ABLIM1: variants seen among roughly 807,000 people sequenced by gnomAD.
ABLIM1 encodes the protein actin binding LIM protein 1, also known as actin-binding LIM protein 1.
ABLIM1 carries 40 observed loss-of-function variants against 107.0 expected under a neutral mutation model. That is an observed-to-expected ratio of 0.37 (90% CI 0.29 to 0.49). ABLIM1 has a LOEUF of 0.49. Among genes scored for constraint, ABLIM1 ranks in the 20% least tolerant of loss-of-function variants. ABLIM1 has a pLI of 0.97. For missense variants in ABLIM1, 857 were observed against 1,008.5 expected, an observed-to-expected ratio of 0.85 and a Z score of 2.04; for synonymous variants, 357 against 357.3, an observed-to-expected ratio of 1.00 and a Z score of 0.01.
intron 2 of ABLIM1, among the ~76,000 whole-genome samples, chr10:114,601,392 A>G (rs1591518349): frequency 6.6e-6 from 1 of 151,696 alleles, no homozygotes; most frequent in East Asian, 1.9e-4. Context: ...AGCCCTCCAG[A>G]GTAGCTGGGA....
At chr10:114,557,425 G>A (rs1248116901) in intron 4 of ABLIM1, among the ~76,000 whole-genome samples, 1 of 152,202 alleles carries the variant, frequency 6.6e-6, no homozygotes, top group Non-Finnish European at 1.5e-5. Context: ...GAAAGCAGAA[G>A]GCAGGCAGGG....
At chr10:114,723,070 T>C (rs1422336413) in intron 1 of ABLIM1, among the ~76,000 whole-genome samples, 2 of 152,176 alleles carry the variant, frequency 1.3e-5, no homozygotes, top group African/African-American at 4.8e-5. Context: ...CCTAGCTCAG[T>C]GCGCAGCCAC....
chr10:114,731,819 A>G (rs1178901055), intron 1 of ABLIM1, among the ~76,000 whole-genome samples: 1 of 152,146 alleles, frequency 6.6e-6, no homozygotes, highest in Admixed American at 6.6e-5. Context: ...CATGTTGGCC[A>G]GGCTGGTCTT....
At chr10:114,648,205 C>G (rs59244961) in intron 1 of ABLIM1, among the ~76,000 whole-genome samples, 1 of 152,244 alleles carries the variant, frequency 6.6e-6, no homozygotes, top group African/African-American at 2.4e-5. Flanking sequence ...ACTGAAAACA[C>G]GTTCACACAA....
At chr10:114,662,769 G>C (rs2079848492), upstream of ABLIM1, among the ~76,000 whole-genome samples, 1 of 152,204 alleles carries the variant, frequency 6.6e-6, no homozygotes, top group African/African-American at 2.4e-5. Flanking sequence ...TGAGCATTCA[G>C]GATTGAGAGC....
chr10:114,788,643 G>C, the ABLIM1 span, among the ~76,000 whole-genome samples: 1 of 152,090 alleles, frequency 6.6e-6, no homozygotes, highest in African/African-American at 2.4e-5. Context: ...CAGGAGAATC[G>C]CTAGAACCTG....
At chr10:114,497,930 T>C (rs929384535) in intron 6 of ABLIM1, among the ~76,000 whole-genome samples, 11 of 152,230 alleles carry the variant, frequency 7.2e-5, no homozygotes, top group Non-Finnish European at 1.3e-4. Flanking sequence ...ATCTCTAAAT[T>C]GAAGTATGAA....
chr10:114,477,669 C>T (rs1212594991), intron 8 of ABLIM1, among the ~76,000 whole-genome samples: 1 of 152,142 alleles, frequency 6.6e-6, no homozygotes, highest in Non-Finnish European at 1.5e-5. Context: ...TGAAGAGCTT[C>T]GTGGGCAGTA....
At chr10:114,774,723 C>T in the ABLIM1 span, among the ~76,000 whole-genome samples, 1 of 152,036 alleles carries the variant, frequency 6.6e-6, no homozygotes, top group African/African-American at 2.4e-5. Flanking sequence ...GGACCTCTAA[C>T]CTAGACATGA....
intron 2 of ABLIM1, among the ~76,000 whole-genome samples, chr10:114,589,985 G>GT (rs1220865240): frequency 6.6e-6 from 1 of 152,086 alleles, no homozygotes; most frequent in African/African-American, 2.4e-5. Flanking sequence ...TCCATTCGTG[G>GT]TAAGTGACCT....
At chr10:114,747,382 G>A (rs571220008) in intron 1 of ABLIM1, among the ~76,000 whole-genome samples, 1 of 152,260 alleles carries the variant, frequency 6.6e-6, no homozygotes, top group Admixed American at 6.5e-5. Context: ...TAGGAAGGTC[G>A]TATCTGCTGT....
At chr10:114,782,179 A>G in the ABLIM1 span, among the ~76,000 whole-genome samples, 1 of 152,170 alleles carries the variant, frequency 6.6e-6, no homozygotes, top group Non-Finnish European at 1.5e-5. Flanking sequence ...AGTGAAAAAT[A>G]GTAGCAAAAA....
intron 8 of ABLIM1, among the ~76,000 whole-genome samples, chr10:114,487,146 C>T (rs754158028): frequency 3.3e-5 from 5 of 152,102 alleles, no homozygotes; most frequent in African/African-American, 7.2e-5. Context: ...AATGGCAGAT[C>T]GAGAAGAGAT....
chr10:114,768,852 T>G (rs571604938), upstream of ABLIM1, among the ~76,000 whole-genome samples: 18 of 152,216 alleles, frequency 1.2e-4, no homozygotes, highest in South Asian at 3.5e-3. Context: ...ACAAATCCCC[T>G]TTTTCTATAT....
chr10:114,681,578 C>T (rs761403054), intron 1 of ABLIM1, among the ~76,000 whole-genome samples: 8 of 151,966 alleles, frequency 5.3e-5, no homozygotes, highest in Admixed American at 1.3e-4. Context: ...TTCCCAAGAG[C>T]ACTGTGTATA....
At chr10:114,489,899 C>G (rs759560061) in intron 7 of ABLIM1, among the ~76,000 whole-genome samples, 1 of 152,234 alleles carries the variant, frequency 6.6e-6, no homozygotes, top group African/African-American at 2.4e-5. Flanking sequence ...GCAGCCTCAA[C>G]AGATAGCCAT....
At chr10:114,615,302 G>T (rs923489445) in intron 1 of ABLIM1, among the ~76,000 whole-genome samples, 4 of 152,072 alleles carry the variant, frequency 2.6e-5, no homozygotes, top group Non-Finnish European at 2.9e-5. Context: ...GGCTCTTGCT[G>T]CTTCAAGATC....
At chr10:114,504,335 G>A (rs975816011) in intron 6 of ABLIM1, among the ~76,000 whole-genome samples, 1 of 152,244 alleles carries the variant, frequency 6.6e-6, no homozygotes, top group African/African-American at 2.4e-5. Flanking sequence ...CAAAGTTACA[G>A]AGCTAGAGTT....
intron 1 of ABLIM1, among the ~76,000 whole-genome samples, chr10:114,692,911 AT>A (rs2141734337): frequency 6.6e-6 from 1 of 152,302 alleles, no homozygotes; most frequent in East Asian, 1.9e-4. Flanking sequence ...AAAAAAATGC[AT>A]TTAAACCTTG....
Sources: gnomAD v4.1 joint callset for allele counts (sites outside exome capture counted in the v4.1 genomes callset) on GRCh38, gnomAD v4.1.1 for gene constraint, MANE v1.5 for transcripts, NCBI Gene and HGNC (gene_info 2026-07-23, HGNC 2026-07-21) for gene names.